TMEM108: variants seen among roughly 807,000 people sequenced by gnomAD.
The protein encoded by TMEM108 is transmembrane protein 108.
Under a neutral mutation model 35.1 loss-of-function variants are expected in TMEM108, and 12 were observed. The ratio of observed to expected loss-of-function variants is 0.34; its 90% CI spans 0.22 to 0.55. TMEM108 has a LOEUF of 0.55. TMEM108 is among the 20% of genes least tolerant of loss of function. The pLI, the probability that TMEM108 is intolerant of heterozygous loss-of-function variation, is 0.89. For synonymous variants in TMEM108, 287 were observed against 308.6 expected (o/e 0.93, Z 0.73); for missense variants, 680 against 753.3 (o/e 0.90, Z 1.14).
At chr3:133,174,764 G>C (rs995446087) in intron 2 of TMEM108, among the ~76,000 whole-genome samples, 18 of 152,060 alleles carry the variant, frequency 1.2e-4, no homozygotes, top group African/African-American at 4.3e-4. Flanking sequence ...CTGAAAATCA[G>C]AGCGCTTCTC....
At chr3:133,180,747 G>A (rs1559859631) in intron 2 of TMEM108, among the ~76,000 whole-genome samples, 1 of 151,978 alleles carries the variant, frequency 6.6e-6, no homozygotes, top group Non-Finnish European at 1.5e-5. Context: ...TCTTTTGATA[G>A]TGATTGTTGG....
At chr3:133,196,116 T>G (rs760354970) in intron 2 of TMEM108, among the ~76,000 whole-genome samples, 1 of 152,228 alleles carries the variant, frequency 6.6e-6, no homozygotes, top group East Asian at 1.9e-4. Context: ...CCTTGTCATC[T>G]TCTCATTGTT....
intron 3 of TMEM108, among the ~76,000 whole-genome samples, chr3:133,258,819 G>A (rs1002524416): frequency 1.3e-5 from 2 of 152,200 alleles, no homozygotes; most frequent in African/African-American, 4.8e-5. Flanking sequence ...AAGAGAAAAA[G>A]TTTATTCTTA....
intron 3 of TMEM108, among the ~76,000 whole-genome samples, chr3:133,333,430 A>T (rs142321624): frequency 7.7e-4 from 117 of 152,266 alleles, no homozygotes; most frequent in Admixed American, 1.9e-3. Flanking sequence ...ATTTATTTCC[A>T]TACCTTTTGG....
At chr3:133,240,692 G>T (rs1576404951) in intron 3 of TMEM108, among the ~76,000 whole-genome samples, 2 of 152,208 alleles carry the variant, frequency 1.3e-5, no homozygotes, top group Admixed American at 6.5e-5. Context: ...CTAGCTATAT[G>T]ACTGCACAGA....
At chr3:133,357,621 T>C (rs1228030998) in intron 3 of TMEM108, among the ~76,000 whole-genome samples, 3 of 152,186 alleles carry the variant, frequency 2.0e-5, no homozygotes, top group Non-Finnish European at 2.9e-5. Context: ...ATAATGTGAT[T>C]TGCAGCAACT....
intron 2 of TMEM108, among the ~76,000 whole-genome samples, chr3:133,189,493 A>C (rs1382043234): frequency 1.3e-5 from 2 of 152,212 alleles, no homozygotes; most frequent in African/African-American, 4.8e-5. Context: ...CTGTCTACCA[A>C]GTCTTTCCTC....
chr3:133,365,085 G>T (rs2107801354), intron 3 of TMEM108, among the ~76,000 whole-genome samples: 1 of 152,328 alleles, frequency 6.6e-6, no homozygotes, highest in East Asian at 1.9e-4. Context: ...GAGCAAGGCA[G>T]CTTTCTTAAT....
chr3:133,099,399 T>C (rs1008836811), intron 2 of TMEM108, among the ~76,000 whole-genome samples: 1 of 152,214 alleles, frequency 6.6e-6, no homozygotes, highest in African/African-American at 2.4e-5. Context: ...TCTGACATGG[T>C]CTGGAGACAT....
At chr3:133,376,742 T>A (rs534051288) in intron 3 of TMEM108, among the ~76,000 whole-genome samples, 1 of 152,308 alleles carries the variant, frequency 6.6e-6, no homozygotes, top group African/African-American at 2.4e-5. Context: ...TTTCCCTGTT[T>A]CACTAATCTC....
chr3:133,104,947 C>A (rs921971407), intron 2 of TMEM108, among the ~76,000 whole-genome samples: 2 of 152,152 alleles, frequency 1.3e-5, no homozygotes, highest in Non-Finnish European at 2.9e-5. Context: ...AAGGATTCAT[C>A]CCCTATCCAC....
chr3:133,387,516 A>G (rs1297475531), intron 4 of TMEM108: 34 of 985,288 alleles, frequency 3.5e-5, no homozygotes, highest in Non-Finnish European at 4.0e-5. Context: ...TGGCATTCTA[A>G]CAACATGGGC....
intron 3 of TMEM108, among the ~76,000 whole-genome samples, chr3:133,358,699 C>T (rs1413405504): frequency 6.6e-6 from 1 of 152,118 alleles, no homozygotes; most frequent in Non-Finnish European, 1.5e-5. Flanking sequence ...TTTATTTTCT[C>T]CAGCCTCTGC....
chr3:133,166,662 C>T (rs1483512775), intron 2 of TMEM108, among the ~76,000 whole-genome samples: 2 of 151,882 alleles, frequency 1.3e-5, no homozygotes, highest in Non-Finnish European at 2.9e-5. Flanking sequence ...TCATTCCTCC[C>T]GGTGGGTTCA....
chr3:133,290,093 T>C (rs1364165698), intron 3 of TMEM108, among the ~76,000 whole-genome samples: 2 of 151,924 alleles, frequency 1.3e-5, no homozygotes, highest in Non-Finnish European at 2.9e-5. Context: ...ACAGTAAGCA[T>C]GCATCCTATT....
At chr3:133,101,282 G>A (rs1944083865) in intron 2 of TMEM108, among the ~76,000 whole-genome samples, 1 of 152,148 alleles carries the variant, frequency 6.6e-6, no homozygotes, top group Non-Finnish European at 1.5e-5. Flanking sequence ...TGTGTATCAG[G>A]CGTTTTACTC....
In TMEM108 at chr3:133,380,336, C is replaced by A; in HGVS notation, c.625C>A (p.Gln209Lys). The A allele has an allele frequency of 6.2e-7, 1 of 1,614,138 alleles. No homozygotes were observed. The highest frequency in any genetic ancestry group is 8.5e-7 in the Non-Finnish European group (1 of 1,179,990). ...AAATCCAAGCTCCACACCTCTGGGG[C>A]AGAAGCGGCCCCTGGGGAAAATCTT... is the stretch of plus-strand genomic sequence containing the variant. ...GRNPSSTPLG[Q>K]KRPLGKIFQI... is the part of the protein sequence containing the mutation. The change falls in exon 4 of 6, where the codon CAG becomes AAG. Residue 209 changes from glutamine to lysine, a missense_variant. Transcript: ENST00000321871. The surrounding 1 kb of genome is among the most constrained non-coding windows in gnomAD (Gnocchi z 5.3).
chr3:133,052,744 G>A (rs1310855669), intron 2 of TMEM108, among the ~76,000 whole-genome samples: 1 of 151,744 alleles, frequency 6.6e-6, no homozygotes, highest in East Asian at 1.9e-4. Flanking sequence ...CTCAAGGGGG[G>A]TGCTATTAGC....
intron 2 of TMEM108, among the ~76,000 whole-genome samples, chr3:133,095,132 A>G (rs181314399): frequency 1.2e-4 from 19 of 152,330 alleles, no homozygotes; most frequent in Admixed American, 3.3e-4. Flanking sequence ...TTAATGGCTG[A>G]TATACTGATA....
Sources: gnomAD v4.1 joint callset for allele counts (sites outside exome capture counted in the v4.1 genomes callset) on GRCh38, gnomAD v4.1.1 for gene constraint, Gnocchi (gnomAD v3.1) non-coding constraint, MANE v1.5 for transcripts, NCBI Gene and HGNC (gene_info 2026-07-23, HGNC 2026-07-21) for gene names.